PCDHA9: variants seen among roughly 807,000 people sequenced by gnomAD.
PCDHA9 encodes protocadherin alpha 9.
Under a neutral mutation model 62.0 loss-of-function variants are expected in PCDHA9, and 62 were observed. The observed-to-expected ratio is 1.00, with a 90% CI of 0.81 to 1.23. PCDHA9 has a LOEUF of 1.23. PCDHA9 is among the 50% of genes most tolerant of loss of function. The pLI, the probability that PCDHA9 is intolerant of heterozygous loss-of-function variation, is 0.00. For synonymous variants in PCDHA9, 557 were observed against 567.6 expected (o/e 0.98, Z 0.27); for missense variants, 1,205 against 1,249.8 (o/e 0.96, Z 0.54).
At chr5:140,975,938 T>C (rs2096690603) in intron 1 of PCDHA9, among the ~76,000 whole-genome samples, 1 of 152,160 alleles carries the variant, frequency 6.6e-6, no homozygotes, top group Admixed American at 6.5e-5. Context: ...TTTGAAGCAA[T>C]AGGACATATT....
chr5:140,858,024 C>A lies in PCDHA9; in HGVS notation c.2394+7135C>A, dbSNP rs782656168. On this transcript the variant is annotated intron_variant, in intron 1 of 3. Transcript: ENST00000532602. ...AAGGACCATGGCGAGCCGTCGCTGACGGCCACGGCCACTGTGCTTGTGTCG... is the reference window on the plus strand; with the variant it reads ...AAGGACCATGGCGAGCCGTCGCTGAAGGCCACGGCCACTGTGCTTGTGTCG... 1 of 1,596,584 alleles carries A rather than the reference C, an allele frequency of 6.3e-7. No individual in the cohort carries two copies. Among genetic ancestry groups the A allele is most frequent in the East Asian group, 2.2e-5 (1 of 44,824 alleles).
chr5:140,869,264 T>C (rs782308224), intron 1 of PCDHA9: 1 of 1,613,438 alleles, frequency 6.2e-7, no homozygotes, highest in South Asian at 1.1e-5. Context: ...GACCTGGGGC[T>C]GGAGCTGGCG....
intron 1 of PCDHA9, among the ~76,000 whole-genome samples, chr5:140,910,613 C>T (rs1470911168): frequency 1.3e-5 from 2 of 152,192 alleles, no homozygotes; most frequent in Admixed American, 1.3e-4. Context: ...ACTGACTAAT[C>T]CACTCCACCA....
At chr5:140,952,325 T>G in intron 1 of PCDHA9, among the ~76,000 whole-genome samples, 1 of 133,382 alleles carries the variant, frequency 7.5e-6, no homozygotes, top group Non-Finnish European at 1.6e-5. Context: ...GCAACAAGAG[T>G]GAAACTCCAT....
At chr5:140,868,859 A>G (rs2050687281) in intron 1 of PCDHA9, 1 of 502,518 alleles carries the variant, frequency 2.0e-6, no homozygotes, top group African/African-American at 1.9e-5. Context: ...TGTGGTGGTA[A>G]ATGCAGTGCA....
chr5:140,976,383 T>G (rs963492291), intron 1 of PCDHA9, among the ~76,000 whole-genome samples: 4 of 152,058 alleles, frequency 2.6e-5, no homozygotes, highest in African/African-American at 9.7e-5. Context: ...AAACCCCATC[T>G]CTACTAAAAA....
At chr5:141,000,398 T>TAA in intron 3 of PCDHA9, among the ~76,000 whole-genome samples, 1 of 55,032 alleles carries the variant, frequency 1.8e-5, no homozygotes, top group African/African-American at 7.5e-5. Flanking sequence ...TCTCTCTCTA[T>TAA]ATATATATAT....
At chr5:140,870,606 C>T (rs781958673) in intron 1 of PCDHA9, 24 of 1,613,142 alleles carry the variant, frequency 1.5e-5, no homozygotes, top group Non-Finnish European at 3.4e-6. Flanking sequence ...TGGGCGACCG[C>T]GCGCTGTCGA....
intron 1 of PCDHA9, among the ~76,000 whole-genome samples, chr5:140,941,595 A>T (rs1273931279): frequency 6.6e-6 from 1 of 152,016 alleles, no homozygotes; most frequent in African/African-American, 2.4e-5. Context: ...GATTACAGCC[A>T]TGAGCCATGG....
intron 1 of PCDHA9, chr5:140,875,919 C>G: frequency 2.5e-6 from 4 of 1,614,168 alleles, no homozygotes; most frequent in Non-Finnish European, 3.4e-6. Flanking sequence ...CGCCTCTGGA[C>G]TCTCATTTTC....
intron 1 of PCDHA9, chr5:140,857,885 G>A: frequency 6.3e-7 from 1 of 1,597,988 alleles, no homozygotes; most frequent in Non-Finnish European, 8.6e-7. Context: ...ATTGCAGTCG[G>A]CGGCGGTTGG....
intron 1 of PCDHA9, among the ~76,000 whole-genome samples, chr5:140,941,202 C>T (rs246071): frequency 0.094 from 11,551 of 122,542 alleles, 708 homozygotes; most frequent in Admixed American, 0.12. Context: ...TTTCTTTCTT[C>T]CTTTCTTTCT....
intron 1 of PCDHA9, chr5:140,864,242 T>C (rs978090917): frequency 6.6e-6 from 1 of 152,208 alleles, no homozygotes; most frequent in Non-Finnish European, 1.5e-5. Flanking sequence ...TTATTCCTAT[T>C]CATTTTCTTA....
chr5:140,952,442 A>G (rs1431756877), intron 1 of PCDHA9, among the ~76,000 whole-genome samples: 1 of 152,178 alleles, frequency 6.6e-6, no homozygotes, highest in African/African-American at 2.4e-5. Context: ...CAGGCATAAT[A>G]CAGCCAGGCT....
Position 140,877,355 on chromosome 5 carries a change from C to T in PCDHA9, c.2394+26466C>T. On this transcript the variant is annotated intron_variant, in intron 1 of 3. Coordinates refer to ENST00000532602, the MANE Select transcript of PCDHA9 (RefSeq NM_031857.2). ...ATCCCGTTCCACGTGGGGCTGTACA[C>T]TGGCGAGATCAGCACGACACGCATC... 1.2e-6 allele frequency: 2 copies of T among 1,614,012 alleles called. No homozygotes were observed. Among genetic ancestry groups the T allele is most frequent in the Non-Finnish European group, 8.5e-7 (1 of 1,179,888 alleles).
chr5:141,000,948 G>C (rs1032144041), intron 3 of PCDHA9, among the ~76,000 whole-genome samples: 3 of 151,774 alleles, frequency 2.0e-5, no homozygotes, highest in Non-Finnish European at 1.5e-5. Flanking sequence ...AAATTATCTT[G>C]CTGTAATTTA....
chr5:140,923,200 G>C (rs2081224774), intron 1 of PCDHA9, among the ~76,000 whole-genome samples: 1 of 152,166 alleles, frequency 6.6e-6, no homozygotes, highest in Admixed American at 6.5e-5. Flanking sequence ...AGCAATTTGG[G>C]AGGCTAAGGT....
chr5:140,974,302 C>G (rs782329639), intron 1 of PCDHA9, among the ~76,000 whole-genome samples: 1 of 152,176 alleles, frequency 6.6e-6, no homozygotes, highest in Non-Finnish European at 1.5e-5. Flanking sequence ...GGAGGTACAA[C>G]TGTGAGTGAG....
rs2150454576 is a variant in PCDHA9, at chr5:140,849,863, G to T, written c.1368G>T (p.Ala456=). 1 of 1,598,620 alleles carries T rather than the reference G, an allele frequency of 6.3e-7. No individual in the cohort carries two copies. The highest frequency in any genetic ancestry group is 2.2e-5 in the East Asian group (1 of 44,836). The part of the protein sequence containing the change: ...ADVNDNAPAF[A]QSEYTVFVKE... ...TGAACGACAACGCACCAGCGTTCGC[G>T]CAGTCCGAGTACACGGTGTTCGTGA... Residue 456 remains alanine, a synonymous_variant, in exon 1 of 4, where the codon GCG becomes GCT. Transcript: ENST00000532602.
Sources: allele counts gnomAD v4.1 joint callset (sites outside exome capture counted in the v4.1 genomes callset), GRCh38; gene constraint gnomAD v4.1.1; transcripts MANE v1.5; gene names NCBI Gene and HGNC (gene_info 2026-07-23, HGNC 2026-07-21).